MEIS1: variants seen among roughly 807,000 people sequenced by gnomAD.
MEIS1 encodes Meis homeobox 1.
Under a neutral mutation model 50.8 loss-of-function variants are expected in MEIS1, and 5 were observed. The observed-to-expected ratio is 0.10, with a 90% CI of 0.05 to 0.21. The LOEUF (loss-of-function observed/expected upper bound fraction) is 0.21, where lower values mean the gene tolerates loss of function less well. Ranked by LOEUF, MEIS1 falls within the 10% of genes least tolerant of loss-of-function variation. The pLI is 1.00. For missense variants in MEIS1, 318 were observed against 517.3 expected (o/e 0.61, Z 3.74); for synonymous variants, 176 against 179.3 (o/e 0.98, Z 0.15).
chr2:66,456,348 T>C (rs549652901), intron 6 of MEIS1, among the ~76,000 whole-genome samples: 24 of 152,080 alleles, frequency 1.6e-4, no homozygotes, highest in South Asian at 4.1e-4. Flanking sequence ...TACACACTTA[T>C]GCTGTGTATA....
chr2:66,496,791 G>A (rs1432758036), intron 7 of MEIS1, among the ~76,000 whole-genome samples: 6 of 152,140 alleles, frequency 3.9e-5, no homozygotes, highest in African/African-American at 7.2e-5. Flanking sequence ...ATGTTTTGGA[G>A]GCACACTCGG....
chr2:66,439,415 C>A (rs955499265), intron 2 of MEIS1: 2 of 1,295,940 alleles, frequency 1.5e-6, no homozygotes, highest in African/African-American at 3.1e-5. Flanking sequence ...CGCGCGGCCG[C>A]CTAGGAGGAA....
intron 7 of MEIS1, among the ~76,000 whole-genome samples, chr2:66,473,814 T>C (rs1672825997): frequency 6.6e-6 from 1 of 152,252 alleles, no homozygotes; most frequent in Non-Finnish European, 1.5e-5. Flanking sequence ...TGGGGATGTA[T>C]AGCCATCCCT....
At chr2:66,568,976 TA>T in intron 11 of MEIS1, 73 bp from the exon 12 acceptor site, 2 of 1,379,980 alleles carry the variant, frequency 1.4e-6, no homozygotes, top group Non-Finnish European at 2.1e-6. Context: ...GTTTTTTTTT[TA>T]AGGGTCTTTT....
At chr2:66,482,003 C>T (rs1461847449) in intron 7 of MEIS1, among the ~76,000 whole-genome samples, 1 of 140,120 alleles carries the variant, frequency 7.1e-6, no homozygotes, top group Non-Finnish European at 1.5e-5. Context: ...TACAGGTGCA[C>T]ACCACCACAC....
At chr2:66,495,078 ACCTTTTTTTTTTTTTTTT>A (rs1276331528) in intron 7 of MEIS1, among the ~76,000 whole-genome samples, 6 of 85,014 alleles carry the variant, frequency 7.1e-5, no homozygotes, top group Admixed American at 1.3e-4. Context: ...CCCTCTTCTG[ACCTTTTTTTTTTTTTTTT>A]TTTTTTTTTT....
At chr2:66,526,936 A>T (rs1674266130) in intron 8 of MEIS1, among the ~76,000 whole-genome samples, 2 of 152,250 alleles carry the variant, frequency 1.3e-5, no homozygotes, top group South Asian at 4.2e-4. Context: ...TCAATTACCA[A>T]AATGACAGGT....
chr2:66,487,433 T>C (rs913014686), intron 7 of MEIS1, among the ~76,000 whole-genome samples: 2 of 152,228 alleles, frequency 1.3e-5, no homozygotes, highest in African/African-American at 4.8e-5. Context: ...TAGGAATCCA[T>C]GGATTTCTGA....
chr2:66,457,756 G>T (rs896786583), intron 6 of MEIS1, among the ~76,000 whole-genome samples: 1 of 152,210 alleles, frequency 6.6e-6, no homozygotes, highest in African/African-American at 2.4e-5. Context: ...AAGAGCACAG[G>T]TGTGCACATG....
intron 9 of MEIS1, 102 bp from the exon 10 acceptor site, chr2:66,567,351 C>CA (rs1441385913): frequency 1.6e-5 from 21 of 1,285,006 alleles, no homozygotes; most frequent in Non-Finnish European, 2.3e-5. Flanking sequence ...CCCATTTTGC[C>CA]AAGATCTAGT....
At chr2:66,494,844 G>T (rs554194047) in intron 7 of MEIS1, among the ~76,000 whole-genome samples, 10 of 152,092 alleles carry the variant, frequency 6.6e-5, no homozygotes, top group Non-Finnish European at 1.3e-4. Flanking sequence ...TACCCAGACC[G>T]ACCTGAGACT....
At chr2:66,511,071 T>A (rs767347104) in intron 7 of MEIS1, among the ~76,000 whole-genome samples, 142 of 152,264 alleles carry the variant, frequency 9.3e-4, no homozygotes, top group Non-Finnish European at 1.6e-3. Context: ...TGGGCCCAGA[T>A]CAACCTGTCG....
intron 7 of MEIS1, among the ~76,000 whole-genome samples, chr2:66,474,106 T>A (rs1172870477): frequency 6.6e-6 from 1 of 152,020 alleles, no homozygotes; most frequent in Non-Finnish European, 1.5e-5. Context: ...TTTTTTCAAA[T>A]ACCTTCTATC....
rs542294002 is a variant in MEIS1, at chr2:66,516,291, G to A, written c.888+3997G>A. On this transcript the variant is annotated intron_variant, in intron 8 of 12. Transcript: ENST00000272369. ...CTGAAAGTTAGGGATAAGGGAGGGAGGTAGAAAGCATACCTACAGATTCAG... is the reference window on the plus strand; with the variant it reads ...CTGAAAGTTAGGGATAAGGGAGGGAAGTAGAAAGCATACCTACAGATTCAG... Among the ~76,000 whole-genome samples the A allele has an allele frequency of 5.9e-5, 9 of 152,234 alleles. No individual in the cohort carries two copies. In the South Asian group the frequency reaches 1.9e-3, roughly 32 times the overall value.
At chr2:66,489,047 AT>A (rs1673207570) in intron 7 of MEIS1, among the ~76,000 whole-genome samples, 1 of 152,210 alleles carries the variant, frequency 6.6e-6, no homozygotes, top group Non-Finnish European at 1.5e-5. Flanking sequence ...GGGATGTATT[AT>A]TTGAACCTCT....
chr2:66,561,646 A>G lies in MEIS1; in HGVS notation c.966-5807A>G, dbSNP rs955241057. ...ACTTCCCTTAAGGGATAGTGTAGGT[A>G]TAGAAGGCATTGCCACTAATCAATC... On this transcript the variant is annotated intron_variant, in intron 9 of 12. Coordinates refer to ENST00000272369, the MANE Select transcript of MEIS1 (RefSeq NM_002398.3). Among the ~76,000 whole-genome samples, 7 of 152,240 alleles carry G rather than the reference A, an allele frequency of 4.6e-5. No homozygotes were observed. The East Asian group carries it at 1.2e-3, about 25-fold the overall frequency.
rs1675515159 is a variant in MEIS1, at chr2:66,573,202, G to A, written c.*1994G>A. On this transcript the variant is annotated 3_prime_UTR_variant, in exon 13 of 13. Transcript: ENST00000272369. Reference sequence around the variant, plus strand: ...TCTATGTTCTCATTGGATAAAACTGGTTATTAACCAATTTTCCAGAACAGC... The same window carrying A: ...TCTATGTTCTCATTGGATAAAACTGATTATTAACCAATTTTCCAGAACAGC... 2 of 152,060 alleles carry A rather than the reference G, an allele frequency of 1.3e-5. No individual in the cohort carries two copies. The highest frequency in any genetic ancestry group is 6.6e-5 in the Admixed American group (1 of 15,256). The allele number at this position is 152,060 out of a possible 1,614,324, so 9.4% of individuals were successfully genotyped here.
At chr2:66,473,397 A>AAAAAAATATATATAT in intron 7 of MEIS1, among the ~76,000 whole-genome samples, 6 of 107,588 alleles carry the variant, frequency 5.6e-5, no homozygotes, top group African/African-American at 2.9e-4. Flanking sequence ...AAAAAAAAAA[A>AAAAAAATATATATAT]ATATATATAT....
chr2:66,479,433 A>G (rs1176631574), intron 7 of MEIS1, among the ~76,000 whole-genome samples: 1 of 152,188 alleles, frequency 6.6e-6, no homozygotes, highest in Non-Finnish European at 1.5e-5. Flanking sequence ...GCTTTAATGT[A>G]CATTTGCATA....
Sources: gnomAD v4.1 joint callset for allele counts (sites outside exome capture counted in the v4.1 genomes callset) on GRCh38, gnomAD v4.1.1 for gene constraint, MANE v1.5 for transcripts, NCBI Gene and HGNC (gene_info 2026-07-23, HGNC 2026-07-21) for gene names.